The following MYOM1 variants were observed in gnomAD, a reference collection of about 807,000 sequenced individuals.
MYOM1 encodes the protein myomesin-1.
A neutral mutation model predicts 205.3 loss-of-function variants in MYOM1; 164 were observed. The ratio of observed to expected loss-of-function variants is 0.80; its 90% CI spans 0.70 to 0.91. The LOEUF is 0.91. MYOM1 is among the 40% of genes least tolerant of loss of function. The pLI is 0.00. For missense variants in MYOM1, 2,011 were observed against 2,127.3 expected (o/e 0.95, Z 1.08); for synonymous variants, 772 against 789.4 (o/e 0.98, Z 0.37).
the MYOM1 span, among the ~76,000 whole-genome samples, chr18:3,240,208 T>C: frequency 6.6e-6 from 1 of 152,246 alleles, no homozygotes; most frequent in African/African-American, 2.4e-5. Context: ...TGTTAGGCTA[T>C]ATACTTCAAA....
chr18:3,156,795 G>A (rs1014680046), intron 10 of MYOM1, among the ~76,000 whole-genome samples: 1 of 152,064 alleles, frequency 6.6e-6, no homozygotes, highest in African/African-American at 2.4e-5. Flanking sequence ...ATTTTTAGTA[G>A]AGATGGGGAT....
In MYOM1 at chr18:3,187,485, G is replaced by T. The variant is rs536739408; in HGVS notation, c.924C>A (p.Val308=). ...CSIAGWPEPR[V]TWYKNQVPIN... ...CTTTCATAAAGATAACATACCACGT[G>T]ACACGAGGTTCTGGCCAGCCTGCTA... The change falls in exon 5 of 38, where the codon GTC becomes GTA. Residue 308 remains valine (V), a synonymous_variant. Transcript: ENST00000356443. The T allele has an allele frequency of 3.4e-4, 555 of 1,613,278 alleles. 4 individuals are homozygous for T. The South Asian group carries it at 5.9e-3, about 17-fold the overall frequency.
rs2080240070 is a variant in MYOM1, at chr18:3,152,813, G to A, written c.1644-920C>T. On this transcript the variant is annotated intron_variant, in intron 11 of 37. Coordinates refer to ENST00000356443, the MANE Select transcript of MYOM1 (RefSeq NM_003803.4). The surrounding 1 kb of genome is among the most constrained non-coding windows in gnomAD (Gnocchi z 4.3). Reference sequence around the variant, plus strand: ...GGGGGTTGCCAGTGGCAGGACAGAGGTGGCTGGTGTGGGGGGTGTATCTCC... The same window carrying A: ...GGGGGTTGCCAGTGGCAGGACAGAGATGGCTGGTGTGGGGGGTGTATCTCC... Among the ~76,000 whole-genome samples, 1 of 152,152 alleles carries A rather than the reference G, an allele frequency of 6.6e-6. No individual in the cohort carries two copies. Among genetic ancestry groups the A allele is most frequent in the Non-Finnish European group, 1.5e-5 (1 of 68,040 alleles).
In MYOM1 at chr18:3,129,163, G is replaced by A. The variant is rs1359086500; in HGVS notation, c.2794+69C>T. On this transcript the variant is annotated intron_variant, in intron 18 of 37. Coordinates refer to ENST00000356443, the MANE Select transcript of MYOM1 (RefSeq NM_003803.4). ...GAAAGCAAACATGGATGAAGGATGT[G>A]ATGTAGACGATGAGAGGTGAGGACA... 3 of 1,509,108 alleles carry A rather than the reference G, an allele frequency of 2.0e-6. No individual in the cohort carries two copies. The African/African-American group carries it at 4.2e-5, about 21-fold the overall frequency. 93.5% of individuals were successfully genotyped at this position (1,509,108 alleles called of 1,614,324 possible). A position where few individuals can be genotyped will look rare whatever the true frequency, so the allele number is the denominator to read the frequency against.
chr18:3,181,591 A>C (rs1326282929), intron 5 of MYOM1, among the ~76,000 whole-genome samples: 1 of 152,072 alleles, frequency 6.6e-6, no homozygotes, highest in Non-Finnish European at 1.5e-5. Context: ...ACAAACCCTC[A>C]TAATTTGTGA....
At chr18:3,212,731 G>A (rs1009144858) in intron 2 of MYOM1, among the ~76,000 whole-genome samples, 3 of 152,162 alleles carry the variant, frequency 2.0e-5, no homozygotes, top group African/African-American at 7.2e-5. Flanking sequence ...TCTATTACAT[G>A]TGCTTTCCTA....
intron 9 of MYOM1, among the ~76,000 whole-genome samples, chr18:3,167,244 A>T (rs1229106360): frequency 6.6e-6 from 1 of 152,220 alleles, no homozygotes; most frequent in Non-Finnish European, 1.5e-5. Flanking sequence ...CTCCCGTGGC[A>T]AGGATTTGAC....
At position 3,090,694 on chromosome 18, in the gene MYOM1, C is replaced by T. The variant is rs1171019696; in HGVS notation, c.3973G>A (p.Ala1325Thr). The T allele has an allele frequency of 6.2e-7, 1 of 1,613,950 alleles. No homozygotes were observed. The highest frequency in any genetic ancestry group is 1.7e-5 in the Admixed American group (1 of 60,020). ...AGAACAACAGTAGAATGGTTAGTTG[C>T]TTTTCCATCTTGAAGCTGGAAAGTG... ...TYTFQLQDGK[A>T]TNHSTVVLVG... Residue 1325 changes from alanine to threonine, a missense_variant, in exon 27 of 38, where the codon GCA (alanine) becomes ACA (threonine). Coordinates refer to ENST00000356443, the MANE Select transcript of MYOM1 (RefSeq NM_003803.4).
At chr18:3,088,490 T>G (rs113705514) in intron 29 of MYOM1, among the ~76,000 whole-genome samples, 1 of 152,288 alleles carries the variant, frequency 6.6e-6, no homozygotes, top group African/African-American at 2.4e-5. Flanking sequence ...CTGGCTTTTA[T>G]CATGACAATT....
intron 10 of MYOM1, among the ~76,000 whole-genome samples, chr18:3,157,662 G>A (rs2080320681): frequency 6.8e-6 from 1 of 147,724 alleles, no homozygotes; most frequent in South Asian, 2.1e-4. Flanking sequence ...GGGTGACAGA[G>A]CAAGACCTTG....
rs558199373 is a variant in MYOM1 at position 3,202,117 on chromosome 18, T to C, written c.291-8159A>G. Among the ~76,000 whole-genome samples, 24 of 152,290 alleles carry C rather than the reference T, an allele frequency of 1.6e-4. No individual in the cohort carries two copies. In the South Asian group the frequency reaches 5.0e-3, roughly 32 times the overall value. ...TGTTTACTGGTATTCAGTGAGTATA[T>C]ATTATCTGAAGTAGATAGAAATAAG... On this transcript the variant is annotated intron_variant, in intron 2 of 37. Coordinates refer to ENST00000356443, the MANE Select transcript of MYOM1 (RefSeq NM_003803.4).
chr18:3,123,831 A>G (rs7505771), intron 19 of MYOM1, among the ~76,000 whole-genome samples: 2 of 142,284 alleles, frequency 1.4e-5, no homozygotes, highest in Admixed American at 1.4e-4. Flanking sequence ...TTATTTATTT[A>G]TTTTTTTTGA....
Position 3,075,418 on chromosome 18 carries a change from G to A in MYOM1, c.4708+36C>T. On this transcript the variant is annotated intron_variant, in intron 36 of 37. Coordinates refer to ENST00000356443, the MANE Select transcript of MYOM1 (RefSeq NM_003803.4). ...AAATTATCTTTTGAATCTATCCCAG[G>A]AGTACTTGTGAAAAGTAAAAAAAAA... 1.9e-6 allele frequency: 3 copies of A among 1,588,128 alleles called. No homozygotes were observed. The East Asian group carries it at 6.7e-5, about 36-fold the overall frequency.
chr18:3,069,463 C>G (rs1008581170), intron 37 of MYOM1, among the ~76,000 whole-genome samples: 2 of 152,086 alleles, frequency 1.3e-5, no homozygotes, highest in African/African-American at 4.8e-5. Flanking sequence ...ATTTGTTACC[C>G]CTTTTGCAGG....
At chr18:3,206,465 C>A (rs1408791967) in intron 2 of MYOM1, among the ~76,000 whole-genome samples, 1 of 152,152 alleles carries the variant, frequency 6.6e-6, no homozygotes, top group African/African-American at 2.4e-5. Flanking sequence ...TGAATTACAT[C>A]TCTCATCTTT....
chr18:3,106,916 T>C (rs573663187), intron 22 of MYOM1, among the ~76,000 whole-genome samples: 2 of 152,308 alleles, frequency 1.3e-5, no homozygotes, highest in African/African-American at 4.8e-5. Context: ...GAGTTTCCCT[T>C]ATCTGTGAAG....
chr18:3,215,058 G>C lies in MYOM1; in HGVS notation c.166C>G (p.Arg56Gly). Residue 56 changes from arginine (R) to glycine (G), a missense_variant, in exon 2 of 38, where the codon CGG becomes GGG. Physicochemically the swap from Arg to Gly is moderately radical, Grantham distance 125. Coordinates refer to ENST00000356443, the MANE Select transcript of MYOM1 (RefSeq NM_003803.4). Reference sequence around the variant, plus strand: ...GCCCGACGGAAGGCCTCGGACTCCCGGCGGTGCGCGGCGGAGGAGCGGCTG... The same window carrying C: ...GCCCGACGGAAGGCCTCGGACTCCCCGCGGTGCGCGGCGGAGGAGCGGCTG... ...YSSRSSAAHR[R>G]ESEAFRRASA... is the part of the protein sequence containing the mutation. The C allele has an allele frequency of 1.9e-6, 3 of 1,613,394 alleles. No individual in the cohort carries two copies. Among genetic ancestry groups the C allele is most frequent in the Non-Finnish European group, 2.5e-6 (3 of 1,179,766 alleles).
At chr18:3,110,603 T>G (rs1462956921) in intron 22 of MYOM1, among the ~76,000 whole-genome samples, 1 of 152,192 alleles carries the variant, frequency 6.6e-6, no homozygotes. Flanking sequence ...AAGACACAGT[T>G]CCTATTTTGA....
At position 3,193,357 on chromosome 18, in the gene MYOM1, T is replaced by TACACACAC. The variant is rs1367330529; in HGVS notation, c.431+460_431+461insGTGTGTGT. 4.9e-3 allele frequency among the ~76,000 whole-genome samples: 508 copies of TACACACAC among 102,812 alleles called. 1 individual carries two copies. The highest frequency in any genetic ancestry group is 0.021 in the South Asian group (63 of 3,050). 67.4% of individuals were successfully genotyped at this position (102,812 alleles called of 152,430 possible). ...ATATATGTACATATACATATATATA[T>TACACACAC]ATATACACACACACACACACACACA... is the stretch of plus-strand genomic sequence containing the variant. On this transcript the variant is annotated intron_variant, in intron 3 of 37. Coordinates refer to ENST00000356443, the MANE Select transcript of MYOM1 (RefSeq NM_003803.4).
Sources: gnomAD v4.1 joint callset for allele counts (sites outside exome capture counted in the v4.1 genomes callset) on GRCh38, gnomAD v4.1.1 for gene constraint, Gnocchi (gnomAD v3.1) non-coding constraint, MANE v1.5 for transcripts, NCBI Gene and HGNC (gene_info 2026-07-23, HGNC 2026-07-21) for gene names.